The following GARNL3 variants were observed in gnomAD, a reference collection of about 807,000 sequenced individuals.
The protein encoded by GARNL3 is GTPase-activating Rap/Ran-GAP domain-like protein 3.
Under a neutral mutation model 125.0 loss-of-function variants are expected in GARNL3, and 63 were observed. The ratio of observed to expected loss-of-function variants is 0.50; its 90% CI spans 0.41 to 0.62. The LOEUF (loss-of-function observed/expected upper bound fraction) is 0.62, where lower values mean the gene tolerates loss of function less well. GARNL3 is among the 20% of genes least tolerant of loss of function. GARNL3 has a pLI of 0.00. For synonymous variants in GARNL3, 439 were observed against 457.5 expected, an observed-to-expected ratio of 0.96 and a Z score of 0.52; for missense variants, 994 against 1,244.0, an observed-to-expected ratio of 0.80 and a Z score of 3.02.
chr9:127,321,192 G>C (rs904268035), intron 6 of GARNL3, among the ~76,000 whole-genome samples: 11 of 152,172 alleles, frequency 7.2e-5, no homozygotes, highest in African/African-American at 2.4e-4. Flanking sequence ...AGAGTGCAAT[G>C]GTGCGATCTC....
At chr9:127,354,018 G>T (rs992223848) in intron 18 of GARNL3, 74 bp downstream of exon 18, 2 of 986,154 alleles carry the variant, frequency 2.0e-6, no homozygotes, top group Non-Finnish European at 3.2e-6. Flanking sequence ...ACCACAGGTC[G>T]CCAGGGTCTG....
At chr9:127,378,587 CAAAAAAA>C (rs60768775) in intron 22 of GARNL3, among the ~76,000 whole-genome samples, 2 of 104,084 alleles carry the variant, frequency 1.9e-5, no homozygotes, top group African/African-American at 7.1e-5. Context: ...AACTCCGTCA[CAAAAAAA>C]AAAAAAAAAA....
chr9:127,225,700 T>C (rs1344201528), intron 1 of GARNL3, among the ~76,000 whole-genome samples: 2 of 150,402 alleles, frequency 1.3e-5, no homozygotes, highest in African/African-American at 4.9e-5. Flanking sequence ...CCACCTCTGG[T>C]AAACCCTCAA....
chr9:127,370,591 C>A (rs3935681), intron 22 of GARNL3, among the ~76,000 whole-genome samples: 4,174 of 152,270 alleles, frequency 0.027, 69 homozygotes, highest in East Asian at 0.054. Context: ...TATCAGAGAG[C>A]CATATCAGAG....
rs774881721 is a variant in GARNL3, at chr9:127,393,149, C to T, written c.2937C>T (p.Ser979=). Residue 979 remains serine, a synonymous_variant, in exon 28 of 28, where the codon AGC becomes AGT. Transcript: ENST00000373387. ...SEANPEGHSA[S]SDQDPVADRE... is the part of the protein sequence containing the mutation. ...CCAACCCTGAGGGGCACTCAGCCAG[C>T]TCTGACCAGGACCCTGTGGCAGACA... The T allele has an allele frequency of 3.1e-6, 5 of 1,613,234 alleles. No individual in the cohort carries two copies. Among genetic ancestry groups the T allele is most frequent in the Non-Finnish European group, 1.7e-6 (2 of 1,179,186 alleles).
intron 22 of GARNL3, among the ~76,000 whole-genome samples, chr9:127,369,547 G>T (rs1831490254): frequency 6.6e-6 from 1 of 152,252 alleles, no homozygotes; most frequent in Non-Finnish European, 1.5e-5. Context: ...AGGAAGGAGG[G>T]CGTCCCCACC....
intron 2 of GARNL3, among the ~76,000 whole-genome samples, chr9:127,255,578 C>T (rs888635191): frequency 1.3e-5 from 2 of 152,054 alleles, no homozygotes; most frequent in Non-Finnish European, 2.9e-5. Context: ...TTAAGTATAT[C>T]TGTAATGTTC....
intron 22 of GARNL3, among the ~76,000 whole-genome samples, chr9:127,383,029 C>T (rs934877186): frequency 6.6e-6 from 1 of 152,194 alleles, no homozygotes; most frequent in Non-Finnish European, 1.5e-5. Context: ...TCTGCAGTCA[C>T]GCAGACCTGT....
chr9:127,252,965 C>T (rs912132522), intron 2 of GARNL3, among the ~76,000 whole-genome samples: 1 of 152,166 alleles, frequency 6.6e-6, no homozygotes, highest in Non-Finnish European at 1.5e-5. Context: ...TGATTGCTCC[C>T]ATAGTATTTT....
At position 127,390,781 on chromosome 9, in the gene GARNL3, G is replaced by A; in HGVS notation, c.2870+14G>A. ...TAGCAGTGACAGGTAAAGAGAGGGA[G>A]AGGCCCCTGCTTGGGGTGGTGGACC... On this transcript the variant is annotated intron_variant, in intron 27 of 27. Coordinates refer to ENST00000373387, the MANE Select transcript of GARNL3 (RefSeq NM_032293.5). 1 of 1,611,356 alleles carries A rather than the reference G, an allele frequency of 6.2e-7. No individual in the cohort carries two copies. The highest frequency in any genetic ancestry group is 8.5e-7 in the Non-Finnish European group (1 of 1,178,714).
At chr9:127,338,721 C>T (rs1306193902) in intron 12 of GARNL3, among the ~76,000 whole-genome samples, 1 of 152,156 alleles carries the variant, frequency 6.6e-6, no homozygotes, top group East Asian at 1.9e-4. Flanking sequence ...AGCAGGTGCT[C>T]AGTGATGGCC....
At chr9:127,382,130 C>T (rs1251545180) in intron 22 of GARNL3, among the ~76,000 whole-genome samples, 1 of 151,816 alleles carries the variant, frequency 6.6e-6, no homozygotes, top group Middle Eastern at 3.2e-3. Context: ...AGAAACCCCA[C>T]CTCTACTAAA....
chr9:127,311,833 T>A, intron 3 of GARNL3, 98 bp downstream of exon 3: 1 of 754,642 alleles, frequency 1.3e-6, no homozygotes, highest in Non-Finnish European at 2.3e-6. Context: ...AAACTAGCCA[T>A]TTTAGGAACA....
chr9:127,376,763 A>T (rs1297317649), intron 22 of GARNL3, among the ~76,000 whole-genome samples: 1 of 152,166 alleles, frequency 6.6e-6, no homozygotes, highest in Non-Finnish European at 1.5e-5. Context: ...AAATTGTCCT[A>T]AAAAATGGCA....
chr9:127,242,967 C>T lies in GARNL3; in HGVS notation c.-28-112C>T. ...GTCTTGAGGGTGCTTCAGTGTCACCCTCCTCCTTGCTTACCAGCGGGGCTG... is the reference window on the plus strand; with the variant it reads ...GTCTTGAGGGTGCTTCAGTGTCACCTTCCTCCTTGCTTACCAGCGGGGCTG... On this transcript the variant is annotated intron_variant, in intron 1 of 10. Coordinates refer to the GARNL3 transcript ENST00000439286. This position sits in a 1 kb window ranked among gnomAD's most constrained non-coding sequence, Gnocchi z 4.6. 7.4e-6 allele frequency: 7 copies of T among 946,432 alleles called. No individual in the cohort carries two copies. Among genetic ancestry groups the T allele is most frequent in the South Asian group, 3.3e-5 (2 of 60,746 alleles). The allele number at this position is 946,432 out of a possible 1,614,324, so 58.6% of individuals were successfully genotyped here.
At chr9:127,344,422 T>G in intron 15 of GARNL3, 83 bp downstream of exon 15, 1 of 895,032 alleles carries the variant, frequency 1.1e-6, no homozygotes, top group Admixed American at 2.0e-5. Context: ...GCAAAGACTT[T>G]GTTTGCCTGC....
Position 127,322,676 on chromosome 9 carries a change from C to T in GARNL3, c.567+1898C>T, listed in dbSNP as rs116773106. ...TAGATTTCCCTTAGGAAGAGTTGAG[C>T]AACAGGCTTTAGGTAGAGAGGAAAG... On this transcript the variant is annotated intron_variant, in intron 6 of 27. Coordinates refer to ENST00000373387, the MANE Select transcript of GARNL3 (RefSeq NM_032293.5). Among the ~76,000 whole-genome samples the T allele has an allele frequency of 8.4e-3, 1,277 of 152,218 alleles. 23 individuals carry two copies. The highest frequency in any genetic ancestry group is 0.029 in the African/African-American group (1,186 of 41,528).
rs905413717 is a variant in GARNL3, at chr9:127,332,218, A to T, written c.595-56A>T. 1.0e-5 allele frequency: 14 copies of T among 1,349,462 alleles called. No homozygotes were observed. The African/African-American group carries it at 1.9e-4, about 18-fold the overall frequency. 83.6% of individuals were successfully genotyped at this position (1,349,462 alleles called of 1,614,324 possible). On this transcript the variant is annotated intron_variant, in intron 7 of 27. Coordinates refer to ENST00000373387, the MANE Select transcript of GARNL3 (RefSeq NM_032293.5). The stretch of plus-strand genomic sequence containing the variant: ...TAAGTCACGAACAGCCCATCTCAAA[A>T]CTATATACGCTGTGATGATAAAATT...
In GARNL3 at chr9:127,271,308, A is replaced by ACTGT. The variant is rs1397206663; in HGVS notation, c.144+6288_144+6291dup. On this transcript the variant is annotated intron_variant, in intron 1 of 27. Coordinates refer to ENST00000373387, the MANE Select transcript of GARNL3 (RefSeq NM_032293.5). ...AAAATAGGAATAATGTTTATTTGCCACTGTATCTCTAGAACCAAGCACAAT... is the reference window on the plus strand; with the variant it reads ...AAAATAGGAATAATGTTTATTTGCCACTGTCTGTATCTCTAGAACCAAGCACAAT... 1.1e-4 allele frequency among the ~76,000 whole-genome samples: 17 copies of ACTGT among 150,532 alleles called. 1 individual carries two copies. The highest frequency in any genetic ancestry group is 6.8e-3 in the Middle Eastern group (2 of 294).
Sources: gnomAD v4.1 joint callset for allele counts (sites outside exome capture counted in the v4.1 genomes callset) on GRCh38, gnomAD v4.1.1 for gene constraint, Gnocchi (gnomAD v3.1) non-coding constraint, MANE v1.5 for transcripts, NCBI Gene and HGNC (gene_info 2026-07-23, HGNC 2026-07-21) for gene names.